Variants in PITPNM2 observed in about 807,000 individuals in gnomAD.
The protein encoded by PITPNM2 is phosphatidylinositol transfer protein membrane associated 2.
PITPNM2 carries 35 observed loss-of-function variants against 132.2 expected under a neutral mutation model. The observed-to-expected ratio is 0.26, with a 90% CI of 0.20 to 0.35. The LOEUF is 0.35. Among genes scored for constraint, PITPNM2 ranks in the 10% least tolerant of loss-of-function variants. The pLI, the probability that PITPNM2 is intolerant of heterozygous loss-of-function variation, is 1.00. For synonymous variants in PITPNM2, 738 were observed against 799.2 expected, an observed-to-expected ratio of 0.92 and a Z score of 1.29; for missense variants, 1,332 against 1,912.0, an observed-to-expected ratio of 0.70 and a Z score of 5.66.
intron 1 of PITPNM2, among the ~76,000 whole-genome samples, chr12:123,145,216 TG>T (rs1326256372): frequency 6.6e-6 from 1 of 152,082 alleles, no homozygotes; most frequent in Non-Finnish European, 1.5e-5. Context: ...GCCAACAATA[TG>T]AATCAAATAA....
At chr12:123,069,028 G>A (rs1283875673) in intron 2 of PITPNM2, among the ~76,000 whole-genome samples, 1 of 152,130 alleles carries the variant, frequency 6.6e-6, no homozygotes, top group Admixed American at 6.6e-5. Context: ...TGAGGTGGGA[G>A]GATTGCTTGA....
At chr12:123,027,123 C>T (rs918130283) in intron 3 of PITPNM2, among the ~76,000 whole-genome samples, 1 of 152,062 alleles carries the variant, frequency 6.6e-6, no homozygotes, top group Non-Finnish European at 1.5e-5. Flanking sequence ...TGGCCCCCCA[C>T]CTGTCCCTCA....
intron 2 of PITPNM2, among the ~76,000 whole-genome samples, chr12:123,055,721 A>G (rs1304144310): frequency 6.6e-6 from 1 of 152,170 alleles, no homozygotes; most frequent in Non-Finnish European, 1.5e-5. Flanking sequence ...CTTCAAAACC[A>G]GATCCTTTCA....
chr12:123,020,658 G>C, intron 3 of PITPNM2, among the ~76,000 whole-genome samples: 1 of 152,138 alleles, frequency 6.6e-6, no homozygotes, highest in Non-Finnish European at 1.5e-5. Flanking sequence ...CAGGTACTTA[G>C]CGGCTTTATG....
intron 2 of PITPNM2, among the ~76,000 whole-genome samples, chr12:123,059,982 A>G (rs1184821561): frequency 3.3e-5 from 5 of 152,178 alleles, no homozygotes; most frequent in African/African-American, 1.2e-4. Context: ...TCACCTAAAA[A>G]GAAACGAGGA....
At position 122,989,836 on chromosome 12, in the gene PITPNM2, G is replaced by A; in HGVS notation, c.2682C>T (p.Ser894=). The A allele has an allele frequency of 7.2e-7, 1 of 1,392,092 alleles. No homozygotes were observed. 86.2% of individuals were successfully genotyped at this position (1,392,092 alleles called of 1,614,324 possible). ...GGCCAGGGGCCCTCTCCAGGCCAGG[G>A]CTTGCCTTCCTGGCTGGAGGGTGGG... ...PGPHPPARKA[S]PGLERAPGLP... is the part of the protein sequence containing the mutation. Residue 894 remains serine, a synonymous_variant, in exon 18 of 26, where the codon AGC becomes AGT. Coordinates refer to ENST00000320201, the MANE Select transcript of PITPNM2 (RefSeq NM_020845.3).
In PITPNM2 at chr12:123,150,266, C is replaced by G. The variant is rs2043701936; in HGVS notation, c.-200+487G>C. The stretch of plus-strand genomic sequence containing the variant: ...CTGAGGATGGAGACGGGCCACACCC[C>G]AACCCTGGGCCCCCGACAAGCAGAG... On this transcript the variant is annotated intron_variant, in intron 1 of 25. Transcript: ENST00000320201. This position sits in a 1 kb window ranked among gnomAD's most constrained non-coding sequence, Gnocchi z 6.0. Among the ~76,000 whole-genome samples, 1 of 151,776 alleles carries G rather than the reference C, an allele frequency of 6.6e-6. No homozygotes were observed. The highest frequency in any genetic ancestry group is 2.1e-4 in the South Asian group (1 of 4,826).
rs2039103363 is a variant in PITPNM2, at chr12:123,009,770, G to A, written c.643+80C>T. 3.0e-6 allele frequency: 4 copies of A among 1,317,258 alleles called. No individual in the cohort carries two copies. The highest frequency in any genetic ancestry group is 2.4e-5 in the South Asian group (2 of 81,982). 81.6% of individuals were successfully genotyped at this position (1,317,258 alleles called of 1,614,324 possible). A position where few individuals can be genotyped will look rare whatever the true frequency, so the allele number is the denominator to read the frequency against. On this transcript the variant is annotated intron_variant, in intron 6 of 25. Transcript: ENST00000320201. This position sits in a 1 kb window ranked among gnomAD's most constrained non-coding sequence, Gnocchi z 4.8. ...AGACTCCCAGGCAGACATGCAAAGA[G>A]AGGAGGCAGACAGGCAGGTGACAGG... is the stretch of plus-strand genomic sequence containing the variant.
chr12:123,113,743 C>T (rs973745651), intron 1 of PITPNM2, among the ~76,000 whole-genome samples: 11 of 151,628 alleles, frequency 7.3e-5, no homozygotes, highest in Non-Finnish European at 1.0e-4. Context: ...TATAGGTCTA[C>T]GGTTATTAGT....
chr12:123,048,195 G>C (rs967450431), intron 2 of PITPNM2, among the ~76,000 whole-genome samples: 2 of 151,888 alleles, frequency 1.3e-5, no homozygotes, highest in Non-Finnish European at 1.5e-5. Context: ...ATATTATTCA[G>C]CCTCAAAAAA....
At chr12:123,030,302 G>C (rs1056169750) in intron 3 of PITPNM2, among the ~76,000 whole-genome samples, 1 of 152,216 alleles carries the variant, frequency 6.6e-6, no homozygotes, top group Non-Finnish European at 1.5e-5. Flanking sequence ...TGCAGCCACT[G>C]TGGAAAACAG....
intron 2 of PITPNM2, among the ~76,000 whole-genome samples, chr12:123,040,023 G>A (rs1395552681): frequency 6.6e-6 from 1 of 152,082 alleles, no homozygotes; most frequent in Non-Finnish European, 1.5e-5. Flanking sequence ...CCAGCTACTC[G>A]GGAGGCTGAG....
Position 122,989,899 on chromosome 12 carries a change from C to T in PITPNM2, c.2619G>A (p.Leu873=). ...TGGGGCTGGGGGCGGGCAGGGCGAG[C>T]AGGGACAGACGCCTGACGCTGGGGG... The part of the protein sequence containing the change: ...SHTPSVRRLS[L]LALPAPSPTT... The change falls in exon 18 of 26, where the codon CTG becomes CTA. Residue 873 remains leucine (L), a synonymous_variant. Transcript: ENST00000320201. 7.5e-7 allele frequency: 1 copy of T among 1,328,044 alleles called. No homozygotes were observed. Among genetic ancestry groups the T allele is most frequent in the Non-Finnish European group, 9.7e-7 (1 of 1,035,118 alleles). The allele number at this position is 1,328,044 out of a possible 1,614,324, so 82.3% of individuals were successfully genotyped here. A position where few individuals can be genotyped will look rare whatever the true frequency, so the allele number is the denominator to read the frequency against.
chr12:123,014,126 G>T (rs750504658), intron 3 of PITPNM2, 84 bp from the exon 4 acceptor site: 8 of 1,442,006 alleles, frequency 5.5e-6, no homozygotes, highest in Non-Finnish European at 7.7e-6. Flanking sequence ...GGGCCCAGGG[G>T]TGTGGAAAGG....
intron 3 of PITPNM2, among the ~76,000 whole-genome samples, chr12:123,028,953 G>A (rs2039970343): frequency 6.6e-6 from 1 of 152,190 alleles, no homozygotes; most frequent in Non-Finnish European, 1.5e-5. Context: ...GGCACAGGTA[G>A]TGCCTTGGGT....
intron 2 of PITPNM2, among the ~76,000 whole-genome samples, chr12:123,086,252 G>A (rs1000362146): frequency 2.0e-5 from 3 of 152,186 alleles, no homozygotes; most frequent in Non-Finnish European, 4.4e-5. Flanking sequence ...CTTGCAGGGG[G>A]CATCAGGTCC....
chr12:123,141,767 C>CT (rs1318990623), intron 1 of PITPNM2, among the ~76,000 whole-genome samples: 1 of 152,140 alleles, frequency 6.6e-6, no homozygotes, highest in African/African-American at 2.4e-5. Flanking sequence ...CTCCAGCTCA[C>CT]TAGCTGTGTC....
intron 2 of PITPNM2, among the ~76,000 whole-genome samples, chr12:123,060,876 AT>A (rs2041211949): frequency 6.6e-6 from 1 of 152,180 alleles, no homozygotes; most frequent in African/African-American, 2.4e-5. Flanking sequence ...CAACCCTATC[AT>A]TGGGTAGATG....
rs1441449326 is a variant in PITPNM2, at chr12:122,984,212, G to A, written c.*1815C>T. On this transcript the variant is annotated 3_prime_UTR_variant, in exon 26 of 26. Transcript: ENST00000320201. ...GAGCCCACTGCCCACAGGGCCTCCC[G>A]GCCTTTATTGCAGGAGGGCCCGAGA... The A allele has an allele frequency of 1.3e-5, 2 of 152,578 alleles. No homozygotes were observed. The highest frequency in any genetic ancestry group is 2.9e-5 in the Non-Finnish European group (2 of 68,098). The allele number at this position is 152,578 out of a possible 1,614,324, so 9.5% of individuals were successfully genotyped here.
Sources: allele counts gnomAD v4.1 joint callset (sites outside exome capture counted in the v4.1 genomes callset), GRCh38; gene constraint gnomAD v4.1.1; non-coding constraint Gnocchi (gnomAD v3.1); transcripts MANE v1.5; gene names NCBI Gene and HGNC (gene_info 2026-07-23, HGNC 2026-07-21).